The following KRAS variants were observed in gnomAD, a reference collection of about 807,000 sequenced individuals.
KRAS encodes GTPase KRas.
In KRAS, 1 loss-of-function variant was observed where a neutral mutation model predicts 21.0. The ratio of observed to expected loss-of-function variants is 0.05; its 90% CI spans 0.02 to 0.23. The LOEUF is 0.23. Ranked by LOEUF, KRAS falls within the 10% of genes least tolerant of loss-of-function variation. The pLI is 1.00. For missense variants in KRAS, 107 were observed against 221.8 expected (o/e 0.48, Z 3.29); for synonymous variants, 67 against 72.5 (o/e 0.92, Z 0.39).
intron 2 of KRAS, among the ~76,000 whole-genome samples, chr12:25,231,034 TAC>T (rs1951461165): frequency 6.7e-6 from 1 of 149,472 alleles, no homozygotes; most frequent in African/African-American, 2.4e-5. Context: ...CAGGCATGGC[TAC>T]AGAGCATGTA....
intron 2 of KRAS, among the ~76,000 whole-genome samples, chr12:25,244,047 A>C (rs1951645166): frequency 6.6e-6 from 1 of 152,208 alleles, no homozygotes; most frequent in South Asian, 2.1e-4. Flanking sequence ...CCTTATGATT[A>C]GTTATCTAAT....
rs1281579763 is a variant in KRAS at position 25,209,177 on chromosome 12, A to AT, written c.*617dup. 9 of 660,828 alleles carry AT rather than the reference A, an allele frequency of 1.4e-5. No individual in the cohort carries two copies. Among genetic ancestry groups the AT allele is most frequent in the South Asian group, 1.7e-5 (1 of 57,770 alleles). 40.9% of individuals were successfully genotyped at this position (660,828 alleles called of 1,614,324 possible). On this transcript the variant is annotated 3_prime_UTR_variant, in exon 5 of 5. Coordinates refer to ENST00000311936, the MANE Select transcript of KRAS (RefSeq NM_004985.5). The stretch of plus-strand genomic sequence containing the variant: ...TTCCATTGCCTTGTAATTTTTTTCC[A>AT]TTTTTTTCTTTTTATAGAAAAAATA...
Position 25,228,161 on chromosome 12 carries a change from AT to A in KRAS, c.112-750del, listed in dbSNP as rs371290057. 1.0e-4 allele frequency among the ~76,000 whole-genome samples: 12 copies of A among 116,588 alleles called. No homozygotes were observed. In the East Asian group the frequency reaches 2.9e-3, roughly 28 times the overall value. The allele number at this position is 116,588 out of a possible 152,430, so 76.5% of individuals were successfully genotyped here. On this transcript the variant is annotated intron_variant, in intron 2 of 4. Coordinates refer to ENST00000311936, the MANE Select transcript of KRAS (RefSeq NM_004985.5). The stretch of plus-strand genomic sequence containing the variant: ...TGCTCACTGGAGCATTTGATTTTGG[AT>A]TTTTTTTTCTTTCATCTTTTTTTTT...
chr12:25,245,544 G>A, intron 1 of KRAS, 149 bp from the exon 2 acceptor site: 1 of 848,140 alleles, frequency 1.2e-6, no homozygotes, highest in Non-Finnish European at 1.8e-6. Context: ...ATTCAATCAT[G>A]AAAATTCCAG....
intron 4 of KRAS, among the ~76,000 whole-genome samples, chr12:25,221,608 G>A (rs759598579): frequency 6.6e-5 from 10 of 151,982 alleles, no homozygotes; most frequent in Non-Finnish European, 1.2e-4. Flanking sequence ...AAAAAAAAAT[G>A]CAACAGATAC....
chr12:25,222,174 AAAATAAATAAAT>A (rs139753860), intron 4 of KRAS, among the ~76,000 whole-genome samples: 8 of 148,304 alleles, frequency 5.4e-5, no homozygotes, highest in South Asian at 2.1e-4. Context: ...GAAAGAAAGA[AAAATAAATAAAT>A]AAATAAATAA....
At chr12:25,215,500 T>A in intron 4 of KRAS, 1 of 1,611,440 alleles carries the variant, frequency 6.2e-7, no homozygotes. Context: ...TCTTTGCTGA[T>A]TTTTTTCAAT....
At position 25,249,352 on chromosome 12, in the gene KRAS, G is replaced by A. The variant is rs929273117; in HGVS notation, c.-12+1399C>T. Among the ~76,000 whole-genome samples the A allele has an allele frequency of 3.3e-4, 50 of 152,146 alleles. 1 individual carries two copies. The highest frequency in any genetic ancestry group is 1.2e-3 in the African/African-American group (48 of 41,514). On this transcript the variant is annotated intron_variant, in intron 1 of 4. Transcript: ENST00000311936. Reference sequence around the variant, plus strand: ...GCAGAGGTTGCAGTGAGCCGAGACGGCGCCACTGCACTCCAGCCTGGGCAA... The same window carrying A: ...GCAGAGGTTGCAGTGAGCCGAGACGACGCCACTGCACTCCAGCCTGGGCAA...
chr12:25,221,666 C>T (rs189437876), intron 4 of KRAS, among the ~76,000 whole-genome samples: 239 of 152,194 alleles, frequency 1.6e-3, no homozygotes, highest in African/African-American at 5.6e-3. Context: ...TGGCCCTTTA[C>T]AGAAAATATT....
intron 4 of KRAS, chr12:25,225,316 A>ATATATG (rs1951378358): frequency 2.6e-5 from 1 of 38,062 alleles, no homozygotes; most frequent in Non-Finnish European, 7.6e-5. Context: ...ATATATATAT[A>ATATATG]TATATATATA....
chr12:25,232,087 A>C (rs912623163), intron 2 of KRAS, among the ~76,000 whole-genome samples: 84 of 152,146 alleles, frequency 5.5e-4, no homozygotes, highest in African/African-American at 2.0e-3. Context: ...TTGGTTGGGA[A>C]AAAAACGTGT....
chr12:25,248,603 T>C (rs1330658502), intron 1 of KRAS, among the ~76,000 whole-genome samples: 1 of 135,668 alleles, frequency 7.4e-6, no homozygotes, highest in Non-Finnish European at 1.6e-5. Flanking sequence ...GGTGGTTGTT[T>C]CCAGAAAAAA....
chr12:25,232,661 A>G (rs900201185), intron 2 of KRAS, among the ~76,000 whole-genome samples: 4 of 152,238 alleles, frequency 2.6e-5, no homozygotes, highest in Non-Finnish European at 4.4e-5. Context: ...GCCTTAGGAA[A>G]CTACGATAAA....
At chr12:25,224,467 C>A (rs1443948491) in intron 4 of KRAS, among the ~76,000 whole-genome samples, 1 of 151,784 alleles carries the variant, frequency 6.6e-6, no homozygotes, top group Non-Finnish European at 1.5e-5. Flanking sequence ...TGGAAAAAAG[C>A]TTACAGAATA....
chr12:25,210,255 T>A (rs1951188472), intron 4 of KRAS, among the ~76,000 whole-genome samples: 1 of 152,190 alleles, frequency 6.6e-6, no homozygotes, highest in African/African-American at 2.4e-5. Flanking sequence ...AATGCATGTG[T>A]GTGTGTGTAC....
chr12:25,245,183 A>G (rs1951662176), intron 2 of KRAS, 91 bp downstream of exon 2: 4 of 1,316,270 alleles, frequency 3.0e-6, no homozygotes, highest in Non-Finnish European at 4.3e-6. Flanking sequence ...ATTATCTTGT[A>G]ATAAGTACTC....
At chr12:25,215,619 G>A (rs1592798791) in intron 4 of KRAS, 1 of 1,400,178 alleles carries the variant, frequency 7.1e-7, no homozygotes, top group Non-Finnish European at 1.0e-6. Flanking sequence ...TAATTTACTG[G>A]GAAAGCCATG....
chr12:25,220,089 T>G (rs1951302931), intron 4 of KRAS, among the ~76,000 whole-genome samples: 1 of 152,178 alleles, frequency 6.6e-6, no homozygotes, highest in Non-Finnish European at 1.5e-5. Flanking sequence ...GTTATTCACC[T>G]TACTGAACCC....
At chr12:25,212,154 TAAAAGAGG>T (rs2141484183) in intron 4 of KRAS, among the ~76,000 whole-genome samples, 1 of 152,314 alleles carries the variant, frequency 6.6e-6, no homozygotes, top group South Asian at 2.1e-4. Context: ...GATAGAATCT[TAAAAGAGG>T]ATCTAACTCC....
Sources: gnomAD v4.1 joint callset for allele counts (sites outside exome capture counted in the v4.1 genomes callset) on GRCh38, gnomAD v4.1.1 for gene constraint, MANE v1.5 for transcripts, NCBI Gene and HGNC (gene_info 2026-07-23, HGNC 2026-07-21) for gene names.